Variants in RALGAPA1 observed in about 807,000 individuals in gnomAD.
RALGAPA1 encodes ral GTPase-activating protein subunit alpha-1.
In RALGAPA1, 52 loss-of-function variants were observed where a neutral mutation model predicts 269.6. The observed-to-expected ratio is 0.19, with a 90% CI of 0.15 to 0.24. The LOEUF is 0.24. Among genes scored for constraint, RALGAPA1 ranks in the 10% least tolerant of loss-of-function variants. The pLI is 1.00. For synonymous variants in RALGAPA1, 817 were observed against 1,008.3 expected (o/e 0.81, Z 3.60); for missense variants, 1,917 against 3,013.9 (o/e 0.64, Z 8.52).
intron 36 of RALGAPA1, among the ~76,000 whole-genome samples, chr14:35,601,090 T>C (rs1387547825): frequency 1.3e-5 from 2 of 152,214 alleles, no homozygotes; most frequent in Non-Finnish European, 2.9e-5. Context: ...ATTACTGATA[T>C]GTGGAAGCAG....
intron 27 of RALGAPA1, among the ~76,000 whole-genome samples, chr14:35,659,882 T>C (rs1241567892): frequency 6.6e-6 from 1 of 151,974 alleles, no homozygotes; most frequent in Non-Finnish European, 1.5e-5. Context: ...AAAATCTTAA[T>C]AGGTGAAGAA....
chr14:35,585,492 G>A (rs2058220846), intron 37 of RALGAPA1, among the ~76,000 whole-genome samples: 1 of 152,178 alleles, frequency 6.6e-6, no homozygotes, highest in Admixed American at 6.5e-5. Context: ...AGCACTGTGA[G>A]ACTACTTAAA....
Position 35,735,095 on chromosome 14 carries a change from A to G in RALGAPA1, c.1587+3418T>C, listed in dbSNP as rs564351296. Among the ~76,000 whole-genome samples the G allele has an allele frequency of 2.0e-5, 3 of 152,232 alleles. No homozygotes were observed. In the East Asian group the frequency reaches 5.8e-4, roughly 29 times the overall value. ...GGCATGGATGTGGTCATCAGGGAAC[A>G]CTTTTACATTGCTGGTGGGGATGTG... is the stretch of plus-strand genomic sequence containing the variant. On this transcript the variant is annotated intron_variant, in intron 12 of 41. Coordinates refer to ENST00000680220, the MANE Select transcript of RALGAPA1 (RefSeq NM_001346249.2).
In RALGAPA1 at chr14:35,627,152, C is replaced by T. The variant is rs1026488547; in HGVS notation, c.6795G>A (p.Gln2265=). Residue 2265 remains glutamine (Q), a synonymous_variant, in exon 34 of 42, where the codon CAG becomes CAA. Coordinates refer to ENST00000680220, the MANE Select transcript of RALGAPA1 (RefSeq NM_001346249.2). ...GCAATCTGCAATAATAAAATGCTGA[C>T]TGAGGTTTTTGAGGTATTGGTTCAT... ...EQDEPIPQKP[Q]SAFYYCRLLL... 6.4e-7 allele frequency: 1 copy of T among 1,568,490 alleles called. No homozygotes were observed. Among genetic ancestry groups the T allele is most frequent in the African/African-American group, 1.4e-5 (1 of 72,506 alleles).
At chr14:35,561,447 G>A (rs1199153692) in intron 39 of RALGAPA1, among the ~76,000 whole-genome samples, 1 of 151,194 alleles carries the variant, frequency 6.6e-6, no homozygotes, top group African/African-American at 2.4e-5. Context: ...CCATGACAAG[G>A]GGATGTGTAA....
At chr14:35,667,643 A>C (rs2064055561) in intron 26 of RALGAPA1, among the ~76,000 whole-genome samples, 1 of 152,230 alleles carries the variant, frequency 6.6e-6, no homozygotes, top group Non-Finnish European at 1.5e-5. Flanking sequence ...TGGTGTGCAG[A>C]TCACACTTTG....
intron 1 of RALGAPA1, among the ~76,000 whole-genome samples, chr14:35,801,418 G>T (rs532472264): frequency 6.6e-6 from 1 of 151,950 alleles, no homozygotes; most frequent in African/African-American, 2.4e-5. Context: ...ACAAGCATGC[G>T]CCACAAGGTC....
rs564240517 is a variant in RALGAPA1, at chr14:35,802,992, TA to T, written c.106+5737del. 5.4e-4 allele frequency among the ~76,000 whole-genome samples: 82 copies of T among 152,194 alleles called. 1 individual carries two copies. The South Asian group carries it at 0.017, about 32-fold the overall frequency. On this transcript the variant is annotated intron_variant, in intron 1 of 41. Coordinates refer to ENST00000680220, the MANE Select transcript of RALGAPA1 (RefSeq NM_001346249.2). ...TGTGAGCCACCACACCAAGCTCAAC[TA>T]ATCTTTAGACTCATATGGAAATGTA...
Position 35,742,400 on chromosome 14 carries a change from T to C in RALGAPA1, c.1417A>G (p.Ile473Val). 6.2e-7 allele frequency: 1 copy of C among 1,601,696 alleles called. No individual in the cohort carries two copies. The highest frequency in any genetic ancestry group is 1.1e-5 in the South Asian group (1 of 89,834). The change falls in exon 11 of 42, where the codon ATT (isoleucine) becomes GTT (valine). Residue 473 changes from isoleucine (I) to valine (V), a missense_variant. Ile to Val is a conservative substitution (Grantham distance 29, BLOSUM62 3). Around this residue, in one of 11 missense-constraint regions of RALGAPA1, gnomAD observed 462 missense variants for 725.6 expected, o/e 0.64. Transcript: ENST00000680220. ...CTTTTTTCTCCTTCTTCCATTGAAATATCATGGTCTGTGACATTTTCAATG... is the reference window on the plus strand; with the variant it reads ...CTTTTTTCTCCTTCTTCCATTGAAACATCATGGTCTGTGACATTTTCAATG... ...PCIENVTDHD[I>V]SMEEGEKREE...
chr14:35,607,659 G>C (rs926675979), intron 35 of RALGAPA1, among the ~76,000 whole-genome samples: 1 of 152,216 alleles, frequency 6.6e-6, no homozygotes, highest in Non-Finnish European at 1.5e-5. Flanking sequence ...AGGTTGTAGT[G>C]AGAGATAGGT....
intron 16 of RALGAPA1, among the ~76,000 whole-genome samples, chr14:35,719,456 G>A (rs749231028): frequency 6.6e-6 from 1 of 151,954 alleles, no homozygotes; most frequent in African/African-American, 2.4e-5. Flanking sequence ...AGGCTTGTTC[G>A]GTTCAGACAA....
intron 41 of RALGAPA1, among the ~76,000 whole-genome samples, chr14:35,547,140 A>G (rs1253100751): frequency 2.6e-5 from 4 of 152,174 alleles, no homozygotes; most frequent in Admixed American, 6.5e-5. Context: ...TTAAAAATTA[A>G]CTGAAAAAAT....
intron 41 of RALGAPA1, among the ~76,000 whole-genome samples, chr14:35,547,670 C>G (rs2054572545): frequency 6.6e-6 from 1 of 152,030 alleles, no homozygotes; most frequent in Non-Finnish European, 1.5e-5. Context: ...TTCTCTTTTA[C>G]CATCTTTTTT....
At chr14:35,740,002 C>A (rs540324699) in intron 11 of RALGAPA1, among the ~76,000 whole-genome samples, 6 of 152,166 alleles carry the variant, frequency 3.9e-5, no homozygotes, top group African/African-American at 1.4e-4. Context: ...ATCTACTCTA[C>A]GCTGCAGCCA....
intron 24 of RALGAPA1, 125 bp from the exon 25 acceptor site, chr14:35,673,147 A>G: frequency 9.6e-7 from 1 of 1,038,870 alleles, no homozygotes; most frequent in Non-Finnish European, 1.3e-6. Context: ...AATTTCTTTA[A>G]TGAACTAAAA....
chr14:35,766,504 T>C, intron 4 of RALGAPA1: 2 of 1,274,104 alleles, frequency 1.6e-6, no homozygotes, highest in Non-Finnish European at 2.3e-6. Context: ...ACTTATTCAA[T>C]TGTCTGCTAC....
intron 7 of RALGAPA1, among the ~76,000 whole-genome samples, chr14:35,754,410 A>G (rs2072997141): frequency 6.6e-6 from 1 of 152,198 alleles, no homozygotes; most frequent in Non-Finnish European, 1.5e-5. Flanking sequence ...GGGCAAAAAA[A>G]GTGAACAGAC....
chr14:35,664,548 T>C (rs55643005), intron 27 of RALGAPA1, 94 bp downstream of exon 27: 124,433 of 1,023,160 alleles, frequency 0.12, 7,947 homozygotes, highest in Middle Eastern at 0.15. Flanking sequence ...ATTGTGTGGA[T>C]TTCAAAAAGA....
chr14:35,597,035 A>G (rs2058970909), intron 36 of RALGAPA1, among the ~76,000 whole-genome samples: 1 of 152,132 alleles, frequency 6.6e-6, no homozygotes, highest in African/African-American at 2.4e-5. Flanking sequence ...AGTTCATTTT[A>G]CTGAGGTACA....
Sources: allele counts gnomAD v4.1 joint callset (sites outside exome capture counted in the v4.1 genomes callset), GRCh38; gene constraint gnomAD v4.1.1; regional missense constraint gnomAD v4.1.1; transcripts MANE v1.5; gene names NCBI Gene and HGNC (gene_info 2026-07-23, HGNC 2026-07-21).